The following ZNF407 variants were observed in gnomAD, a reference collection of about 807,000 sequenced individuals.
The protein encoded by ZNF407 is zinc finger protein 407.
In ZNF407, 17 loss-of-function variants were observed where a neutral mutation model predicts 131.2. The observed-to-expected ratio is 0.13, with a 90% CI of 0.09 to 0.19. The LOEUF is 0.19. Among genes scored for constraint, ZNF407 ranks in the 10% least tolerant of loss-of-function variants. The pLI, the probability that ZNF407 is intolerant of heterozygous loss-of-function variation, is 1.00. For missense variants in ZNF407, 2,681 were observed against 2,830.6 expected (o/e 0.95, Z 1.20); for synonymous variants, 1,156 against 1,062.0 (o/e 1.09, Z -1.72).
At chr18:74,851,779 A>G (rs539185765) in intron 4 of ZNF407, among the ~76,000 whole-genome samples, 179 of 152,320 alleles carry the variant, frequency 1.2e-3, no homozygotes, top group Non-Finnish European at 2.1e-3. Context: ...TTAGGACACA[A>G]TCAGCAAGAG....
At chr18:74,755,255 A>G (rs1365122779) in intron 3 of ZNF407, among the ~76,000 whole-genome samples, 1 of 151,994 alleles carries the variant, frequency 6.6e-6, no homozygotes, top group Admixed American at 6.5e-5. Context: ...TCTGCACATG[A>G]GATGGGTCTC....
At chr18:74,886,462 T>A (rs556799896) in intron 6 of ZNF407, among the ~76,000 whole-genome samples, 2 of 152,278 alleles carry the variant, frequency 1.3e-5, no homozygotes, top group South Asian at 4.1e-4. Context: ...AGAGAAGGTT[T>A]GTTTGTGGTA....
chr18:74,669,956 C>T lies in ZNF407; in HGVS notation c.4802+28834C>T, dbSNP rs142148535. Among the ~76,000 whole-genome samples, 17 of 152,334 alleles carry T rather than the reference C, an allele frequency of 1.1e-4. No individual in the cohort carries two copies. In the East Asian group the frequency reaches 3.3e-3, roughly 29 times the overall value. ...CTCCCTGTCCTTTTTCCTCAACCCTCTCTGAGGAGAGCCCATTCTGTGAGA... is the reference window on the plus strand; with the variant it reads ...CTCCCTGTCCTTTTTCCTCAACCCTTTCTGAGGAGAGCCCATTCTGTGAGA... On this transcript the variant is annotated intron_variant, in intron 3 of 8. Coordinates refer to ENST00000299687, the MANE Select transcript of ZNF407 (RefSeq NM_017757.3).
chr18:74,864,291 G>A (rs761140196), intron 4 of ZNF407, among the ~76,000 whole-genome samples: 7 of 152,170 alleles, frequency 4.6e-5, no homozygotes, highest in Non-Finnish European at 8.8e-5. Context: ...TTGGTATAAG[G>A]TTAGTGGAAA....
intron 8 of ZNF407, among the ~76,000 whole-genome samples, chr18:75,026,593 C>T (rs761185688): frequency 6.6e-6 from 1 of 152,150 alleles, no homozygotes. Context: ...GATTCAGTAA[C>T]CCATTGATCC....
intron 8 of ZNF407, among the ~76,000 whole-genome samples, chr18:74,947,978 A>C (rs1160073187): frequency 1.3e-5 from 2 of 152,236 alleles, no homozygotes; most frequent in East Asian, 3.8e-4. Flanking sequence ...AGAGAAAATG[A>C]CTTCAGAGGT....
intron 3 of ZNF407, among the ~76,000 whole-genome samples, chr18:74,767,820 ATTTTTTTT>A (rs10692267): frequency 8.8e-6 from 1 of 114,102 alleles, no homozygotes; most frequent in African/African-American, 3.4e-5. Flanking sequence ...CGCCTGGCTA[ATTTTTTTT>A]TTTTTTTTTT....
At chr18:74,699,100 T>C (rs1014892048) in intron 3 of ZNF407, among the ~76,000 whole-genome samples, 8 of 152,178 alleles carry the variant, frequency 5.3e-5, no homozygotes, top group Non-Finnish European at 1.2e-4. Context: ...TTTCTGATCA[T>C]TTATTAACCA....
intron 8 of ZNF407, among the ~76,000 whole-genome samples, chr18:74,929,981 CAT>C (rs1186044567): frequency 4.6e-5 from 7 of 152,206 alleles, no homozygotes; most frequent in Admixed American, 2.6e-4. Flanking sequence ...TAACATCAAA[CAT>C]AACCATACTA....
At chr18:74,602,862 C>A (rs1274913783) in intron 1 of ZNF407, among the ~76,000 whole-genome samples, 1 of 152,052 alleles carries the variant, frequency 6.6e-6, no homozygotes, top group African/African-American at 2.4e-5. Flanking sequence ...AAACACATTG[C>A]CCTGGTCCTG....
At chr18:74,691,001 G>C (rs181298587) in intron 3 of ZNF407, among the ~76,000 whole-genome samples, 3 of 152,274 alleles carry the variant, frequency 2.0e-5, no homozygotes, top group Non-Finnish European at 4.4e-5. Context: ...AGGAAAGGCC[G>C]AGCGCAGTGG....
rs576478773 is a variant in ZNF407 at position 75,044,341 on chromosome 18, TA to T, written c.5429-18798del. 6.4e-3 allele frequency among the ~76,000 whole-genome samples: 941 copies of T among 147,432 alleles called. 7 individuals carry two copies. Among genetic ancestry groups the T allele is most frequent in the Middle Eastern group, 0.017 (5 of 288 alleles). ...TGGGTTTTTTTTCTTTCTTTTTTTT[TA>T]AAAAAAAAAACAGGTTTTTGTTTGT... On this transcript the variant is annotated intron_variant, in intron 8 of 8. Transcript: ENST00000299687.
chr18:75,037,581 TC>T (rs1448191743), intron 8 of ZNF407, among the ~76,000 whole-genome samples: 1 of 152,022 alleles, frequency 6.6e-6, no homozygotes, highest in Non-Finnish European at 1.5e-5. Flanking sequence ...ATTTCAGAGT[TC>T]CACAGAGCTA....
chr18:74,899,618 TC>T (rs1489192319), intron 7 of ZNF407, among the ~76,000 whole-genome samples: 1 of 152,214 alleles, frequency 6.6e-6, no homozygotes, highest in African/African-American at 2.4e-5. Context: ...ATTGATGTTT[TC>T]CTTGGAAAAT....
chr18:74,933,337 C>T (rs1427796237), intron 8 of ZNF407, among the ~76,000 whole-genome samples: 2 of 152,152 alleles, frequency 1.3e-5, no homozygotes, highest in East Asian at 1.9e-4. Flanking sequence ...ATTCCACTTA[C>T]AGATGATGTG....
intron 8 of ZNF407, among the ~76,000 whole-genome samples, chr18:74,982,037 A>G (rs181848615): frequency 1.3e-5 from 2 of 152,326 alleles, no homozygotes; most frequent in Admixed American, 1.3e-4. Flanking sequence ...CACAAGATTT[A>G]TCTAAGAGAA....
chr18:74,779,109 A>ATAT lies in ZNF407; in HGVS notation c.4803-2318_4803-2317insATT, dbSNP rs397943457. 1.3e-3 allele frequency among the ~76,000 whole-genome samples: 31 copies of ATAT among 24,382 alleles called. 1 individual carries two copies. The highest frequency in any genetic ancestry group is 3.6e-3 in the African/African-American group (26 of 7,228). The allele number at this position is 24,382 out of a possible 152,430, so 16.0% of individuals were successfully genotyped here. On this transcript the variant is annotated intron_variant, in intron 3 of 8. Coordinates refer to ENST00000299687, the MANE Select transcript of ZNF407 (RefSeq NM_017757.3). ...TTGGCATATATATATATATATATAT[A>ATAT]TTTTTTTTTTTTTTTTTTTTTTTTG...
At position 74,956,628 on chromosome 18, in the gene ZNF407, A is replaced by G. The variant is rs189040632; in HGVS notation, c.5428+35936A>G. Among the ~76,000 whole-genome samples, 10 of 152,194 alleles carry G rather than the reference A, an allele frequency of 6.6e-5. No homozygotes were observed. The East Asian group carries it at 1.6e-3, about 24-fold the overall frequency. ...AAGGTTTGTATCAGTGGGTGTCGTG[A>G]TGTGATGAAGGGACAGTGGTGAATT... On this transcript the variant is annotated intron_variant, in intron 8 of 8. Transcript: ENST00000299687.
chr18:75,059,380 C>G (rs1330254654), intron 8 of ZNF407, among the ~76,000 whole-genome samples: 2 of 152,196 alleles, frequency 1.3e-5, no homozygotes, highest in Non-Finnish European at 2.9e-5. Context: ...TTTCTCCTCT[C>G]TCTTAATGTA....
Sources: allele counts gnomAD v4.1 joint callset (sites outside exome capture counted in the v4.1 genomes callset), GRCh38; gene constraint gnomAD v4.1.1; transcripts MANE v1.5; gene names NCBI Gene and HGNC (gene_info 2026-07-23, HGNC 2026-07-21).